Variants in KCNH7 observed in about 807,000 individuals in gnomAD.
KCNH7 encodes the protein potassium voltage-gated channel subfamily H member 7, also known as voltage-gated inwardly rectifying potassium channel KCNH7.
A neutral mutation model predicts 120.8 loss-of-function variants in KCNH7; 49 were observed. That is an observed-to-expected ratio of 0.41 (90% CI 0.32 to 0.51). KCNH7 has a LOEUF of 0.51. KCNH7 is among the 20% of genes least tolerant of loss of function. The pLI is 0.38. For missense variants in KCNH7, 1,097 were observed against 1,446.6 expected, an observed-to-expected ratio of 0.76 and a Z score of 3.92; for synonymous variants, 547 against 516.1, an observed-to-expected ratio of 1.06 and a Z score of -0.81.
chr2:162,402,772 G>A (rs946640700), intron 9 of KCNH7, among the ~76,000 whole-genome samples: 2 of 151,602 alleles, frequency 1.3e-5, no homozygotes, highest in African/African-American at 4.8e-5. Context: ...GTAAAACTTG[G>A]TATAGAAAAA....
chr2:162,563,734 C>T (rs1348983669), intron 2 of KCNH7, among the ~76,000 whole-genome samples: 2 of 152,046 alleles, frequency 1.3e-5, no homozygotes, highest in East Asian at 3.9e-4. Context: ...AAATGAAATC[C>T]TACTAGATAT....
chr2:162,701,162 GA>G (rs1022236107), intron 2 of KCNH7, among the ~76,000 whole-genome samples: 1 of 151,982 alleles, frequency 6.6e-6, no homozygotes, highest in Non-Finnish European at 1.5e-5. Context: ...CTGGGAACAA[GA>G]AAAATAAAGC....
At chr2:162,604,977 A>T (rs1193410824) in intron 2 of KCNH7, among the ~76,000 whole-genome samples, 2 of 152,270 alleles carry the variant, frequency 1.3e-5, no homozygotes, top group Admixed American at 1.3e-4. Context: ...TGTATTCAAC[A>T]TTAATAGTAC....
chr2:162,528,752 G>A (rs1691805392), intron 3 of KCNH7, among the ~76,000 whole-genome samples: 1 of 151,938 alleles, frequency 6.6e-6, no homozygotes. Flanking sequence ...ATGTAATCCT[G>A]AAGAAAAGAA....
intron 2 of KCNH7, among the ~76,000 whole-genome samples, chr2:162,607,368 C>T (rs2389737): frequency 0.51 from 77,390 of 150,988 alleles, 20,023 homozygotes; most frequent in Middle Eastern, 0.62. Flanking sequence ...CCAGCCTGGA[C>T]GACAGGGTGA....
At chr2:162,535,750 C>T (rs1241628731) in intron 3 of KCNH7, among the ~76,000 whole-genome samples, 4 of 151,344 alleles carry the variant, frequency 2.6e-5, no homozygotes, top group African/African-American at 7.3e-5. Flanking sequence ...AAATTAATAT[C>T]GAATAATAAG....
intron 9 of KCNH7, among the ~76,000 whole-genome samples, chr2:162,413,184 C>A (rs1687440797): frequency 6.6e-6 from 1 of 151,938 alleles, no homozygotes; most frequent in South Asian, 2.1e-4. Context: ...GGGTGGAGTG[C>A]AATGGCATGA....
At chr2:162,428,628 T>C (rs1313097551) in intron 8 of KCNH7, among the ~76,000 whole-genome samples, 1 of 151,942 alleles carries the variant, frequency 6.6e-6, no homozygotes, top group Non-Finnish European at 1.5e-5. Flanking sequence ...AGTGTTAACA[T>C]TGCAAACTAT....
At chr2:162,782,819 G>A (rs904942401) in intron 2 of KCNH7, among the ~76,000 whole-genome samples, 3 of 152,186 alleles carry the variant, frequency 2.0e-5, no homozygotes, top group South Asian at 2.1e-4. Flanking sequence ...CTGTAGGATG[G>A]AGCACTGTAT....
At position 162,542,385 on chromosome 2, in the gene KCNH7, T is replaced by A. The variant is rs1207827237; in HGVS notation, c.308-5305A>T. ...ATTTAGCATTAGGTATATCTCCTAA[T>A]GCTATCCCTCCCCCCTCCCCCCACC... On this transcript the variant is annotated intron_variant, in intron 2 of 15. Coordinates refer to ENST00000332142, the MANE Select transcript of KCNH7 (RefSeq NM_033272.4). 2.5e-3 allele frequency among the ~76,000 whole-genome samples: 360 copies of A among 145,548 alleles called. 2 individuals are homozygous for A. Among genetic ancestry groups the A allele is most frequent in the Non-Finnish European group, 2.9e-3 (194 of 66,194 alleles).
At chr2:162,837,374 A>G (rs1029410538) in intron 1 of KCNH7, among the ~76,000 whole-genome samples, 2 of 152,224 alleles carry the variant, frequency 1.3e-5, no homozygotes, top group African/African-American at 4.8e-5. Flanking sequence ...CAAAAGAAAA[A>G]TATTTACACA....
intron 7 of KCNH7, 109 bp downstream of exon 7, chr2:162,445,909 T>C (rs570355707): frequency 1.2e-6 from 1 of 811,114 alleles, no homozygotes; most frequent in Non-Finnish European, 1.9e-6. Flanking sequence ...ATGAATTTTA[T>C]CAGTGAGATA....
chr2:162,765,030 C>T (rs1192550096), intron 2 of KCNH7, among the ~76,000 whole-genome samples: 1 of 152,060 alleles, frequency 6.6e-6, no homozygotes, highest in African/African-American at 2.4e-5. Context: ...TGAATATCTA[C>T]ACTGACTTTA....
At chr2:162,813,998 T>A (rs2105575148) in intron 2 of KCNH7, among the ~76,000 whole-genome samples, 1 of 152,346 alleles carries the variant, frequency 6.6e-6, no homozygotes, top group South Asian at 2.1e-4. Context: ...TTCTGACTTT[T>A]AATAAAGAAT....
chr2:162,441,784 G>T (rs1688421752), intron 7 of KCNH7, among the ~76,000 whole-genome samples: 1 of 151,994 alleles, frequency 6.6e-6, no homozygotes, highest in Non-Finnish European at 1.5e-5. Context: ...ATAATGGGTG[G>T]TATGATGTTT....
chr2:162,562,048 C>G (rs754964651), intron 2 of KCNH7, among the ~76,000 whole-genome samples: 1 of 151,860 alleles, frequency 6.6e-6, no homozygotes, highest in Non-Finnish European at 1.5e-5. Flanking sequence ...CATCACACAC[C>G]GGGGCCTGTT....
intron 2 of KCNH7, among the ~76,000 whole-genome samples, chr2:162,632,942 C>T (rs1281003537): frequency 2.0e-5 from 3 of 151,372 alleles, no homozygotes; most frequent in African/African-American, 4.8e-5. Flanking sequence ...AAATGCAAGA[C>T]CCAGAAGTGG....
At chr2:162,824,237 G>A (rs1258300176) in intron 2 of KCNH7, among the ~76,000 whole-genome samples, 1 of 152,170 alleles carries the variant, frequency 6.6e-6, no homozygotes, top group Non-Finnish European at 1.5e-5. Context: ...TACACAGTGA[G>A]TATATTTAAA....
chr2:162,684,257 CAT>C (rs1001206150), intron 2 of KCNH7, among the ~76,000 whole-genome samples: 20 of 152,204 alleles, frequency 1.3e-4, no homozygotes, highest in Admixed American at 5.2e-4. Flanking sequence ...TAGAAGAAAA[CAT>C]AGGCAATACC....
Sources: allele counts gnomAD v4.1 joint callset (sites outside exome capture counted in the v4.1 genomes callset), GRCh38; gene constraint gnomAD v4.1.1; transcripts MANE v1.5; gene names NCBI Gene and HGNC (gene_info 2026-07-23, HGNC 2026-07-21).